Variants in IGF1R observed in about 807,000 individuals in gnomAD.
IGF1R encodes insulin like growth factor 1 receptor, also known as insulin-like growth factor 1 receptor.
A neutral mutation model predicts 144.6 loss-of-function variants in IGF1R; 44 were observed. The ratio of observed to expected loss-of-function variants is 0.30; its 90% CI spans 0.24 to 0.39. The LOEUF (loss-of-function observed/expected upper bound fraction) is 0.39, where lower values mean the gene tolerates loss of function less well. Ranked by LOEUF, IGF1R falls within the 10% of genes least tolerant of loss-of-function variation. The pLI, the probability that IGF1R is intolerant of heterozygous loss-of-function variation, is 1.00. For missense variants in IGF1R, 1,355 were observed against 1,833.7 expected, an observed-to-expected ratio of 0.74 and a Z score of 4.77; for synonymous variants, 795 against 722.8, an observed-to-expected ratio of 1.10 and a Z score of -1.60.
intron 2 of IGF1R, among the ~76,000 whole-genome samples, chr15:98,817,821 A>C (rs903542300): frequency 6.6e-6 from 1 of 152,166 alleles, no homozygotes; most frequent in Non-Finnish European, 1.5e-5. Flanking sequence ...TTCACACCAG[A>C]CATTTCGTGA....
chr15:98,749,960 A>G (rs2054967333), intron 2 of IGF1R, among the ~76,000 whole-genome samples: 1 of 151,852 alleles, frequency 6.6e-6, no homozygotes, highest in Non-Finnish European at 1.5e-5. Context: ...TTCTTAGTGA[A>G]CAAAGATATT....
At chr15:98,811,585 T>C (rs2056590828) in intron 2 of IGF1R, among the ~76,000 whole-genome samples, 1 of 151,668 alleles carries the variant, frequency 6.6e-6, no homozygotes, top group Non-Finnish European at 1.5e-5. Flanking sequence ...TCCTTCCTTA[T>C]AACTTGTATG....
rs2151744838 is a variant in IGF1R, at chr15:98,960,936, C to G, written c.*3494C>G. The G allele has an allele frequency of 4.3e-6, 1 of 233,942 alleles. No individual in the cohort carries two copies. The highest frequency in any genetic ancestry group is 6.0e-5 in the East Asian group (1 of 16,596). 14.5% of individuals were successfully genotyped at this position (233,942 alleles called of 1,614,324 possible). A position where few individuals can be genotyped will look rare whatever the true frequency, so the allele number is the denominator to read the frequency against. On this transcript the variant is annotated 3_prime_UTR_variant, in exon 21 of 21. Transcript: ENST00000650285. ...CCCGCCAGGGCTGTACCTCCGTCTC[C>G]CTGGTCCTGCTGCTCACAGGACAGA...
intron 2 of IGF1R, among the ~76,000 whole-genome samples, chr15:98,855,332 T>C (rs1020284802): frequency 3.3e-5 from 5 of 152,212 alleles, no homozygotes; most frequent in Admixed American, 2.6e-4. Context: ...AGCCTGTCTT[T>C]CTGGAGAAGG....
At chr15:98,739,533 C>G (rs147428525) in intron 2 of IGF1R, among the ~76,000 whole-genome samples, 1 of 152,048 alleles carries the variant, frequency 6.6e-6, no homozygotes, top group Admixed American at 6.5e-5. Context: ...AAAAATTTGC[C>G]TTTTGAACCT....
At chr15:98,834,991 A>C (rs1276438571) in intron 2 of IGF1R, among the ~76,000 whole-genome samples, 1 of 152,014 alleles carries the variant, frequency 6.6e-6, no homozygotes, top group Non-Finnish European at 1.5e-5. Context: ...GAGATGTCTT[A>C]TAGGCTTATA....
chr15:98,798,745 G>T (rs8032111), intron 2 of IGF1R, among the ~76,000 whole-genome samples: 8,834 of 152,180 alleles, frequency 0.058, 858 homozygotes, highest in African/African-American at 0.2. Flanking sequence ...TAGATCACAT[G>T]GGCCCTGGAG....
intron 13 of IGF1R, among the ~76,000 whole-genome samples, chr15:98,927,868 T>A: frequency 6.6e-6 from 1 of 152,220 alleles, no homozygotes. Flanking sequence ...TCCCCAGTGA[T>A]TCCAGGCCCA....
intron 2 of IGF1R, among the ~76,000 whole-genome samples, chr15:98,770,070 C>G (rs2055545332): frequency 6.6e-6 from 1 of 152,198 alleles, no homozygotes; most frequent in Non-Finnish European, 1.5e-5. Flanking sequence ...TCTCAAGTCT[C>G]TTCCCCTCCT....
In IGF1R at chr15:98,891,599, G is replaced by A. The variant is rs748557435; in HGVS notation, c.915G>A (p.Gln305=). 5.6e-6 allele frequency: 9 copies of A among 1,603,474 alleles called. No individual in the cohort carries two copies. The Admixed American group carries it at 8.3e-5, about 15-fold the overall frequency. ...TGATCCACGACGGCGAGTGCATGCA[G>A]GAGTGCCCCTCGGGCTTCATCCGCA... The part of the protein sequence containing the change: ...GFVIHDGECM[Q]ECPSGFIRNG... Residue 305 remains glutamine (Q), a synonymous_variant, in exon 3 of 21, where the codon CAG becomes CAA. Coordinates refer to ENST00000650285, the MANE Select transcript of IGF1R (RefSeq NM_000875.5). The surrounding 1 kb of genome is among the most constrained non-coding windows in gnomAD (Gnocchi z 4.7).
At chr15:98,925,733 G>A (rs567560630) in intron 13 of IGF1R, among the ~76,000 whole-genome samples, 47 of 152,278 alleles carry the variant, frequency 3.1e-4, no homozygotes, top group African/African-American at 1.0e-3. Context: ...GTGAAACCCC[G>A]TCTCTACTAA....
At chr15:98,923,788 A>T (rs1309367373) in intron 11 of IGF1R, 88 bp from the exon 12 acceptor site, 8 of 1,037,844 alleles carry the variant, frequency 7.7e-6, no homozygotes, top group Admixed American at 3.4e-5. Context: ...GCCCGTGTGG[A>T]TGGGGGGGTT....
At chr15:98,877,431 A>G (rs2013113209) in intron 2 of IGF1R, among the ~76,000 whole-genome samples, 2 of 151,580 alleles carry the variant, frequency 1.3e-5, no homozygotes, top group South Asian at 4.2e-4. Context: ...CAGAATTGAA[A>G]TGAGATACCT....
At chr15:98,662,495 CCT>C (rs2052624118) in intron 1 of IGF1R, among the ~76,000 whole-genome samples, 1 of 151,938 alleles carries the variant, frequency 6.6e-6, no homozygotes, top group African/African-American at 2.4e-5. Flanking sequence ...AGTATGGAAC[CCT>C]GTTTCTGATA....
chr15:98,808,697 A>G (rs1049421714), intron 2 of IGF1R, among the ~76,000 whole-genome samples: 1 of 94,446 alleles, frequency 1.1e-5, no homozygotes, highest in Non-Finnish European at 2.3e-5. Flanking sequence ...TTCTTTTTGA[A>G]GAGACAGGGT....
At chr15:98,949,467 C>T (rs923258384) in intron 20 of IGF1R, among the ~76,000 whole-genome samples, 1 of 151,740 alleles carries the variant, frequency 6.6e-6, no homozygotes. Context: ...CAACCTCTGC[C>T]TCCCGGGTTC....
chr15:98,817,767 G>A (rs576062121), intron 2 of IGF1R, among the ~76,000 whole-genome samples: 9 of 152,310 alleles, frequency 5.9e-5, no homozygotes, highest in African/African-American at 2.2e-4. Flanking sequence ...TTCTGAAGTT[G>A]AATAGTCTTC....
intron 2 of IGF1R, among the ~76,000 whole-genome samples, chr15:98,857,355 A>G (rs561206528): frequency 2.0e-5 from 3 of 152,254 alleles, no homozygotes; most frequent in Non-Finnish European, 4.4e-5. Flanking sequence ...AGTATCTGAG[A>G]TTACAGGCAT....
chr15:98,941,051 C>T (rs1429753365), intron 18 of IGF1R, among the ~76,000 whole-genome samples: 1 of 152,248 alleles, frequency 6.6e-6, no homozygotes, highest in Non-Finnish European at 1.5e-5. Flanking sequence ...AAATGCCAGC[C>T]AGCTCCCCTT....
Sources: gnomAD v4.1 joint callset for allele counts (sites outside exome capture counted in the v4.1 genomes callset) on GRCh38, gnomAD v4.1.1 for gene constraint, Gnocchi (gnomAD v3.1) non-coding constraint, MANE v1.5 for transcripts, NCBI Gene and HGNC (gene_info 2026-07-23, HGNC 2026-07-21) for gene names.